Variants in OSBPL7 observed in about 807,000 individuals in gnomAD.
The protein encoded by OSBPL7 is oxysterol binding protein like 7, also known as oxysterol-binding protein-related protein 7.
Under a neutral mutation model 115.8 loss-of-function variants are expected in OSBPL7, and 66 were observed. The ratio of observed to expected loss-of-function variants is 0.57; its 90% CI spans 0.47 to 0.70. OSBPL7 has a LOEUF of 0.70. Among genes scored for constraint, OSBPL7 ranks in the 30% least tolerant of loss-of-function variants. OSBPL7 has a pLI of 0.00. For synonymous variants in OSBPL7, 441 were observed against 439.2 expected (o/e 1.00, Z -0.05); for missense variants, 902 against 1,125.5 (o/e 0.80, Z 2.84).
intron 1 of OSBPL7, 166 bp from the exon 2 acceptor site, chr17:47,820,531 T>C: frequency 2.0e-6 from 1 of 494,340 alleles, no homozygotes; most frequent in Admixed American, 3.5e-5. Context: ...CATTTTCACC[T>C]GATATGGACA....
chr17:47,808,982 G>A lies in OSBPL7; in HGVS notation c.2179C>T (p.Pro727Ser). Residue 727 changes from proline to serine, a missense_variant, in exon 21 of 23, where the codon CCC (proline) becomes TCC (serine). Transcript: ENST00000007414. The surrounding 1 kb of genome is among the most constrained non-coding windows in gnomAD (Gnocchi z 6.1). ...GQCIWKPNSM[P>S]PDHERNFGFT... ...CCGAAGTTTCGCTCATGGTCGGGGG[G>A]CATTGAGTCTGGGGGAAGGCAAGGG... is the stretch of plus-strand genomic sequence containing the variant. 2 of 1,614,068 alleles carry A rather than the reference G, an allele frequency of 1.2e-6. No individual in the cohort carries two copies. The highest frequency in any genetic ancestry group is 1.7e-6 in the Non-Finnish European group (2 of 1,180,014).
chr17:47,816,475 G>A lies in OSBPL7; in HGVS notation c.936C>T (p.Ser312=). Residue 312 remains serine, a synonymous_variant, in exon 11 of 23, where the codon AGC becomes AGT. Coordinates refer to ENST00000007414, the MANE Select transcript of OSBPL7 (RefSeq NM_145798.3). This position sits in a 1 kb window ranked among gnomAD's most constrained non-coding sequence, Gnocchi z 5.8. The part of the protein sequence containing the change: ...SFWALAQKVH[S]SLSSVLAALT... ...GGGCGGCCAGGACGCTGCTGAGGGA[G>A]CTGTGCACTACAGGGAGTGGGGCAG... 3.9e-6 allele frequency: 6 copies of A among 1,545,800 alleles called. No individual in the cohort carries two copies. The highest frequency in any genetic ancestry group is 5.2e-6 in the Non-Finnish European group (6 of 1,144,526).
At chr17:47,815,926 C>G in intron 12 of OSBPL7, 181 bp downstream of exon 12, 2 of 559,698 alleles carry the variant, frequency 3.6e-6, no homozygotes, top group South Asian at 4.7e-5. Context: ...GTACCCTGCA[C>G]GTTGTTACAC....
chr17:47,816,470 AG>A lies in OSBPL7; in HGVS notation c.940del (p.Leu314SerfsTer15). On this transcript the variant is annotated frameshift_variant, in exon 11 of 23. Coordinates refer to ENST00000007414, the MANE Select transcript of OSBPL7 (RefSeq NM_145798.3). LOFTEE classifies it high-confidence loss of function. This position sits in a 1 kb window ranked among gnomAD's most constrained non-coding sequence, Gnocchi z 5.8. The stretch of plus-strand genomic sequence containing the variant: ...GGTGAGGGCGGCCAGGACGCTGCTG[AG>A]GGAGCTGTGCACTACAGGGAGTGGG... Reference protein sequence around the residue: ...WALAQKVHSSLSSVLAALTME... With the variant: ...WALAQKVHSSXSSVLAALTME... 1 of 1,545,422 alleles carries A rather than the reference AG, an allele frequency of 6.5e-7. No homozygotes were observed.
chr17:47,818,155 G>A (rs1251251224), intron 7 of OSBPL7, 114 bp downstream of exon 7: 3 of 880,114 alleles, frequency 3.4e-6, no homozygotes, highest in Non-Finnish European at 3.5e-6. Flanking sequence ...TGGAGGCAGA[G>A]GCTGTCTCAT....
chr17:47,821,247 C>A (rs1299343804), intron 1 of OSBPL7, among the ~76,000 whole-genome samples: 1 of 151,794 alleles, frequency 6.6e-6, no homozygotes, highest in African/African-American at 2.4e-5. Flanking sequence ...ACTGGAGGGG[C>A]GAGGCTGGTT....
Position 47,807,455 on chromosome 17 carries a change from G to C in OSBPL7, c.*836C>G, listed in dbSNP as rs1387445696. 1 of 152,654 alleles carries C rather than the reference G, an allele frequency of 6.6e-6. No individual in the cohort carries two copies. Among genetic ancestry groups the C allele is most frequent in the Non-Finnish European group, 1.5e-5 (1 of 68,084 alleles). The allele number at this position is 152,654 out of a possible 1,614,324, so 9.5% of individuals were successfully genotyped here. A position where few individuals can be genotyped will look rare whatever the true frequency, so the allele number is the denominator to read the frequency against. On this transcript the variant is annotated 3_prime_UTR_variant, in exon 23 of 23. Coordinates refer to ENST00000007414, the MANE Select transcript of OSBPL7 (RefSeq NM_145798.3). ...AGACTGTGAGAAAGAGCAGCGATGT[G>C]GTGGACCCCCAGCAGGGGGAAGGCG... is the stretch of plus-strand genomic sequence containing the variant.
intron 15 of OSBPL7, 88 bp downstream of exon 15, chr17:47,813,499 G>A: frequency 3.8e-6 from 6 of 1,593,458 alleles, no homozygotes; most frequent in Non-Finnish European, 5.1e-6. Flanking sequence ...CAGCAATAAG[G>A]AACAGCCCAG....
Position 47,816,656 on chromosome 17 carries a change from A to T in OSBPL7, c.835T>A (p.Tyr279Asn), listed in dbSNP as rs1273279763. The part of the protein sequence containing the change: ...LHGSVPNLSR[Y>N]LESRDSSGTR... ...CCCGAGGAGTCCCGAGACTCCAGGT[A>T]GCGAGACAGGTTGGGAACAGAGCCA... The change falls in exon 10 of 23, where the codon TAC becomes AAC. Residue 279 changes from tyrosine to asparagine, a missense_variant. Physicochemically the swap from Tyr to Asn is moderately radical, Grantham distance 143. Coordinates refer to ENST00000007414, the MANE Select transcript of OSBPL7 (RefSeq NM_145798.3). This position sits in a 1 kb window ranked among gnomAD's most constrained non-coding sequence, Gnocchi z 5.8. 1 of 1,613,940 alleles carries T rather than the reference A, an allele frequency of 6.2e-7. No homozygotes were observed. Among genetic ancestry groups the T allele is most frequent in the African/African-American group, 1.3e-5 (1 of 74,916 alleles).
Position 47,809,240 on chromosome 17 carries a change from G to A in OSBPL7, c.2026-20C>T. 1 of 1,613,654 alleles carries A rather than the reference G, an allele frequency of 6.2e-7. No individual in the cohort carries two copies. Among genetic ancestry groups the A allele is most frequent in the East Asian group, 2.2e-5 (1 of 44,884 alleles). ...CTTGGCCTGGGGTGGGGAAGGCAGG[G>A]TTTAGGGAGGTGTCCCCTCCCCCTT... On this transcript the variant is annotated intron_variant, in intron 19 of 22. Transcript: ENST00000007414.
At chr17:47,818,726 C>A in intron 5 of OSBPL7, 110 bp from the exon 6 acceptor site, 1 of 1,015,454 alleles carries the variant, frequency 9.8e-7, no homozygotes. Flanking sequence ...TCTTACAGAG[C>A]CTGGTTTGTG....
At position 47,817,236 on chromosome 17, in the gene OSBPL7, T is replaced by G; in HGVS notation, c.702+20A>C. 1 of 1,564,554 alleles carries G rather than the reference T, an allele frequency of 6.4e-7. No homozygotes were observed. The highest frequency in any genetic ancestry group is 8.7e-7 in the Non-Finnish European group (1 of 1,155,850). ...GATCGGGGGCCTGAGCAGGACCCTG[T>G]GTGTACCCCTGGATCTTACCTGGTG... On this transcript the variant is annotated intron_variant, in intron 8 of 22. Transcript: ENST00000007414.
chr17:47,818,723 G>A (rs961550080), intron 5 of OSBPL7, 107 bp from the exon 6 acceptor site: 4 of 1,029,188 alleles, frequency 3.9e-6, no homozygotes, highest in South Asian at 3.1e-5. Context: ...TCTTCTTACA[G>A]AGCCTGGTTT....
At chr17:47,809,246 G>A (rs765341532) in intron 19 of OSBPL7, 26 bp from the exon 20 acceptor site, 22 of 1,613,364 alleles carry the variant, frequency 1.4e-5, no homozygotes, top group Non-Finnish European at 1.9e-5. Context: ...CAGGGTTTAG[G>A]GAGGTGTCCC....
At chr17:47,819,509 C>T in intron 4 of OSBPL7, 1 of 618,704 alleles carries the variant, frequency 1.6e-6, no homozygotes, top group Non-Finnish European at 2.9e-6. Context: ...TACGTATGAC[C>T]TCCCTTACCA....
At chr17:47,815,773 G>A (rs760561989) in intron 12 of OSBPL7, 30 of 325,450 alleles carry the variant, frequency 9.2e-5, no homozygotes, top group East Asian at 5.2e-4. Flanking sequence ...TAGCCCCAGC[G>A]TCTGTGCTCA....
chr17:47,816,987 C>G lies in OSBPL7; in HGVS notation c.703-115G>C. ...GCGCCATGGAGGAGGGCGCAGATTA[C>G]CCAGCACAGAGGATGCGGCCGCTCA... On this transcript the variant is annotated intron_variant, in intron 8 of 22. Coordinates refer to ENST00000007414, the MANE Select transcript of OSBPL7 (RefSeq NM_145798.3). The surrounding 1 kb of genome is among the most constrained non-coding windows in gnomAD (Gnocchi z 5.8). 9.6e-7 allele frequency: 1 copy of G among 1,043,908 alleles called. No homozygotes were observed. The highest frequency in any genetic ancestry group is 1.3e-5 in the South Asian group (1 of 76,348). 64.7% of individuals were successfully genotyped at this position (1,043,908 alleles called of 1,614,324 possible).
In OSBPL7 at chr17:47,813,702, G is replaced by A; in HGVS notation, c.1484C>T (p.Ser495Leu). Residue 495 changes from serine (S) to leucine (L), a missense_variant, in exon 15 of 23, where the codon TCA (serine) becomes TTA (leucine). Ser to Leu is a moderately radical substitution (Grantham distance 145). Transcript: ENST00000007414. The stretch of plus-strand genomic sequence containing the variant: ...CGGCTCGTTGAGCTGCACAGGCATT[G>A]ACACCTTGGACAGGTCTTTGCCGAT... ...NNIGKDLSKV[S>L]MPVQLNEPLN... 1 of 1,613,454 alleles carries A rather than the reference G, an allele frequency of 6.2e-7. No individual in the cohort carries two copies. The highest frequency in any genetic ancestry group is 8.5e-7 in the Non-Finnish European group (1 of 1,180,012).
In OSBPL7 at chr17:47,820,017, C is replaced by T. The variant is rs777498208; in HGVS notation, c.155G>A (p.Gly52Asp). 3 of 1,604,280 alleles carry T rather than the reference C, an allele frequency of 1.9e-6. No individual in the cohort carries two copies. The highest frequency in any genetic ancestry group is 1.7e-6 in the Non-Finnish European group (2 of 1,176,012). Reference sequence around the variant, plus strand: ...CCACTTCCTCTTCTTGAGCAGGTGACCTTCCTGCCTCTCAGGCATGACACC... The same window carrying T: ...CCACTTCCTCTTCTTGAGCAGGTGATCTTCCTGCCTCTCAGGCATGACACC... ...TEGVMPERQE[G>D]HLLKKRKWPL... The change falls in exon 3 of 23, where the codon GGT becomes GAT. Residue 52 changes from glycine to aspartate, a missense_variant. Physicochemically the swap from Gly to Asp is moderately conservative, Grantham distance 94. Coordinates refer to ENST00000007414, the MANE Select transcript of OSBPL7 (RefSeq NM_145798.3).
Sources: allele counts gnomAD v4.1 joint callset (sites outside exome capture counted in the v4.1 genomes callset), GRCh38; gene constraint gnomAD v4.1.1; non-coding constraint Gnocchi (gnomAD v3.1); transcripts MANE v1.5; gene names NCBI Gene and HGNC (gene_info 2026-07-23, HGNC 2026-07-21).